The following OLFM1 variants were observed in gnomAD, a reference collection of about 807,000 sequenced individuals.
OLFM1 encodes olfactomedin 1.
OLFM1 carries 9 observed loss-of-function variants against 49.7 expected under a neutral mutation model. That is an observed-to-expected ratio of 0.18 (90% CI 0.11 to 0.32). OLFM1 has a LOEUF of 0.32. Among genes scored for constraint, OLFM1 ranks in the 10% least tolerant of loss-of-function variants. The probability of loss-of-function intolerance (pLI) is 1.00; values close to 1 mark genes in which losing one functional copy is unlikely to be tolerated. For synonymous variants in OLFM1, 240 were observed against 271.8 expected (o/e 0.88, Z 1.15); for missense variants, 369 against 661.8 (o/e 0.56, Z 4.85).
chr9:135,110,791 C>A (rs565249001), intron 5 of OLFM1, among the ~76,000 whole-genome samples: 1 of 152,188 alleles, frequency 6.6e-6, no homozygotes. Flanking sequence ...AGCTACGGGC[C>A]GCTTTAGAGT....
At chr9:135,089,562 G>A (rs1177413310) in intron 1 of OLFM1, among the ~76,000 whole-genome samples, 1 of 152,224 alleles carries the variant, frequency 6.6e-6, no homozygotes, top group Non-Finnish European at 1.5e-5. Context: ...AATGGCTCGT[G>A]GGGGGAGCCC....
intron 1 of OLFM1, chr9:135,076,232 T>C (rs1315242454): frequency 5.2e-6 from 8 of 1,550,546 alleles, no homozygotes; most frequent in East Asian, 4.9e-5. Context: ...GAGTGGCTCA[T>C]CCTCCCTTTG....
chr9:135,077,309 A>G (rs1830481084), intron 1 of OLFM1: 3 of 1,413,590 alleles, frequency 2.1e-6, no homozygotes, highest in Non-Finnish European at 2.8e-6. Context: ...GGTCCTGGAC[A>G]TGGCCGCACC....
chr9:135,084,976 G>A (rs1473901321), upstream of OLFM1, among the ~76,000 whole-genome samples: 1 of 152,206 alleles, frequency 6.6e-6, no homozygotes, highest in Non-Finnish European at 1.5e-5. This position sits in a 1 kb window ranked among gnomAD's most constrained non-coding sequence, Gnocchi z 4.6. Context: ...TCCGCCTCTT[G>A]TAAGGTCTAT....
intron 1 of OLFM1, chr9:135,076,364 G>A (rs1311426877): frequency 2.0e-6 from 3 of 1,531,190 alleles, no homozygotes; most frequent in Non-Finnish European, 1.8e-6. Context: ...GCAGGGCTTG[G>A]GGGGCTGTGG....
At chr9:135,103,511 CA>C (rs1240747218) in intron 4 of OLFM1, among the ~76,000 whole-genome samples, 1 of 152,294 alleles carries the variant, frequency 6.6e-6, no homozygotes, top group African/African-American at 2.4e-5. Flanking sequence ...AGGCTCATTT[CA>C]AGGGGTCACT....
At chr9:135,104,299 A>G (rs989953550) in intron 4 of OLFM1, among the ~76,000 whole-genome samples, 11 of 152,230 alleles carry the variant, frequency 7.2e-5, no homozygotes, top group African/African-American at 2.7e-4. Flanking sequence ...TGCGTGAACC[A>G]GCAGGGCGGG....
At chr9:135,105,380 G>C (rs750002120) in intron 4 of OLFM1, among the ~76,000 whole-genome samples, 4 of 152,228 alleles carry the variant, frequency 2.6e-5, no homozygotes, top group African/African-American at 7.2e-5. Context: ...AAGCCCTGGT[G>C]CCCGGATGCA....
rs56011006 is a variant in OLFM1, at chr9:135,092,793, C to T, written c.300+2449C>T. ...TTTAAAGCCCCATTTGATACCATAG[C>T]GGGCACTCTATTTTCAGAGGGCATG... is the stretch of plus-strand genomic sequence containing the variant. On this transcript the variant is annotated intron_variant, in intron 2 of 5. Coordinates refer to ENST00000371793, the MANE Select transcript of OLFM1 (RefSeq NM_001282611.2). 9.4e-3 allele frequency among the ~76,000 whole-genome samples: 1,436 copies of T among 152,300 alleles called. 25 individuals are homozygous for T. Among genetic ancestry groups the T allele is most frequent in the African/African-American group, 0.033 (1,364 of 41,558 alleles).
intron 1 of OLFM1, among the ~76,000 whole-genome samples, chr9:135,089,496 G>C (rs187682751): frequency 2.0e-5 from 3 of 152,322 alleles, no homozygotes; most frequent in Admixed American, 2.0e-4. Flanking sequence ...CCTCAGGACT[G>C]AGGTTGGGGG....
Position 135,097,823 on chromosome 9 carries a change from A to G in OLFM1, c.457-463A>G, listed in dbSNP as rs939750683. 8 of 1,613,282 alleles carry G rather than the reference A, an allele frequency of 5.0e-6. No homozygotes were observed. In the African/African-American group the frequency reaches 1.1e-4, roughly 22 times the overall value. On this transcript the variant is annotated intron_variant, in intron 3 of 5. Coordinates refer to ENST00000371793, the MANE Select transcript of OLFM1 (RefSeq NM_001282611.2). ...TTTTTCAATGCTGCAGTGACTGAAG[A>G]AGCAGTCCACTCCCATGTAACCATG...
At chr9:135,077,259 T>G in intron 1 of OLFM1, 1 of 1,456,984 alleles carries the variant, frequency 6.9e-7, no homozygotes, top group Non-Finnish European at 9.1e-7. Flanking sequence ...TGCCTGTGTC[T>G]TATTGAGACA....
chr9:135,091,644 C>CA (rs1564270679), intron 2 of OLFM1, among the ~76,000 whole-genome samples: 10 of 124,208 alleles, frequency 8.1e-5, no homozygotes, highest in African/African-American at 3.4e-4. Flanking sequence ...GTCACACACA[C>CA]TCACATAGTC....
In OLFM1 at chr9:135,098,634, C is replaced by T; in HGVS notation, c.676+129C>T. 1 of 758,556 alleles carries T rather than the reference C, an allele frequency of 1.3e-6. No homozygotes were observed. The highest frequency in any genetic ancestry group is 2.2e-6 in the Non-Finnish European group (1 of 461,964). The allele number at this position is 758,556 out of a possible 1,614,324, so 47.0% of individuals were successfully genotyped here. ...CGAGGTGATGGCTGGATTAGGGCTCCTGGGCAGGTCTACCTTGAGAGACAG... is the reference window on the plus strand; with the variant it reads ...CGAGGTGATGGCTGGATTAGGGCTCTTGGGCAGGTCTACCTTGAGAGACAG... On this transcript the variant is annotated intron_variant, in intron 4 of 5. Coordinates refer to ENST00000371793, the MANE Select transcript of OLFM1 (RefSeq NM_001282611.2). The surrounding 1 kb of genome is among the most constrained non-coding windows in gnomAD (Gnocchi z 5.6).
chr9:135,112,214 A>C (rs1448783944), intron 5 of OLFM1, among the ~76,000 whole-genome samples: 2 of 151,570 alleles, frequency 1.3e-5, no homozygotes, highest in Admixed American at 6.6e-5. Context: ...GCTGATCGCC[A>C]AAAGGGCTCC....
Position 135,117,287 on chromosome 9 carries a change from C to G in OLFM1, c.784-2217C>G, listed in dbSNP as rs558400385. ...TGCTATCTTGGTTGCTTTCGACAAC[C>G]AGAGGCTTCTTCAAAGCCCATATTC... On this transcript the variant is annotated intron_variant, in intron 5 of 5. Transcript: ENST00000371793. This position sits in a 1 kb window ranked among gnomAD's most constrained non-coding sequence, Gnocchi z 5.5. Among the ~76,000 whole-genome samples, 3 of 152,306 alleles carry G rather than the reference C, an allele frequency of 2.0e-5. No individual in the cohort carries two copies. Among genetic ancestry groups the G allele is most frequent in the South Asian group, 4.1e-4 (2 of 4,822 alleles).
intron 5 of OLFM1, among the ~76,000 whole-genome samples, chr9:135,107,986 G>C (rs891897267): frequency 2.0e-5 from 3 of 152,202 alleles, no homozygotes; most frequent in Admixed American, 2.0e-4. Context: ...TGGCTGGGGA[G>C]GGGAGGGGGA....
intron 1 of OLFM1, among the ~76,000 whole-genome samples, chr9:135,079,346 G>A (rs1373356018): frequency 3.9e-5 from 6 of 152,138 alleles, no homozygotes; most frequent in African/African-American, 1.2e-4. Context: ...CAGAGGCTGG[G>A]TACGGTGGCT....
upstream of OLFM1, chr9:135,087,656 C>A (rs1346948118): frequency 5.7e-6 from 3 of 524,326 alleles, no homozygotes; most frequent in East Asian, 1.3e-4. Context: ...GCGCGCAGCC[C>A]GCGCAGCGCT....
Sources: allele counts gnomAD v4.1 joint callset (sites outside exome capture counted in the v4.1 genomes callset), GRCh38; gene constraint gnomAD v4.1.1; non-coding constraint Gnocchi (gnomAD v3.1); transcripts MANE v1.5; gene names NCBI Gene and HGNC (gene_info 2026-07-23, HGNC 2026-07-21).